NHSL2: variants seen among roughly 807,000 people sequenced by gnomAD.
NHSL2 encodes the protein NHS-like protein 2.
Under a neutral mutation model 53.4 loss-of-function variants are expected in NHSL2, and 27 were observed. The observed-to-expected ratio is 0.51, with a 90% CI of 0.37 to 0.70. The LOEUF is 0.70. NHSL2 is among the 30% of genes least tolerant of loss of function. NHSL2 has a pLI of 0.00. For missense variants in NHSL2, 892 were observed against 980.1 expected (o/e 0.91, Z 1.20); for synonymous variants, 408 against 404.1 (o/e 1.01, Z -0.12).
chrX:72,140,541 G>A lies in NHSL2; in HGVS notation c.2993G>A (p.Gly998Asp). 1 of 1,211,208 alleles carries A rather than the reference G, an allele frequency of 8.3e-7. No individual in the cohort carries two copies. Among genetic ancestry groups the A allele is most frequent in the Non-Finnish European group, 1.1e-6 (1 of 895,170 alleles). Residue 998 changes from glycine (G) to aspartate (D), a missense_variant, in exon 6 of 8, where the codon GGC becomes GAC. Gly to Asp is a moderately conservative substitution (Grantham distance 94). Coordinates refer to ENST00000633930, the MANE Select transcript of NHSL2 (RefSeq NM_001013627.3). ...QSQEEAEKKK[G>D]KIPPPVPKKP... Reference sequence around the variant, plus strand: ...CAGGAAGAAGCTGAGAAAAAGAAAGGCAAGATTCCACCTCCCGTACCAAAA... The same window carrying A: ...CAGGAAGAAGCTGAGAAAAAGAAAGACAAGATTCCACCTCCCGTACCAAAA...
chrX:71,925,056 A>G (rs971460354), intron 1 of NHSL2, among the ~76,000 whole-genome samples: 7 of 112,581 alleles, frequency 6.2e-5, no homozygotes, highest in African/African-American at 2.3e-4. Context: ...CTGGCCTAGT[A>G]AGAGATGAGT....
At chrX:72,022,960 A>C (rs773820301) in intron 1 of NHSL2, among the ~76,000 whole-genome samples, 1 of 112,238 alleles carries the variant, frequency 8.9e-6, no homozygotes, top group Admixed American at 9.4e-5. Context: ...CTGGTTATCC[A>C]TTCACTATTT....
chrX:72,099,361 ATTT>A (rs753132294), intron 1 of NHSL2, among the ~76,000 whole-genome samples: 1 of 84,335 alleles, frequency 1.2e-5, no homozygotes, highest in Non-Finnish European at 2.3e-5. Flanking sequence ...TTGTGTAGGA[ATTT>A]TTTTTTTTTT....
chrX:72,049,491 A>G (rs1003207149), intron 1 of NHSL2, among the ~76,000 whole-genome samples: 8 of 110,466 alleles, frequency 7.2e-5, no homozygotes, highest in Non-Finnish European at 1.5e-4. Flanking sequence ...CAGTGCCCGG[A>G]GTGGGTGAGA....
At chrX:72,060,796 A>G (rs1344215394) in intron 1 of NHSL2, among the ~76,000 whole-genome samples, 2 of 112,834 alleles carry the variant, frequency 1.8e-5, no homozygotes, top group Non-Finnish European at 3.7e-5. Context: ...CCATGGCAAC[A>G]TTCCAGCTCG....
chrX:72,000,104 G>A (rs756320113), intron 1 of NHSL2, among the ~76,000 whole-genome samples: 18 of 111,795 alleles, frequency 1.6e-4, no homozygotes, highest in Admixed American at 2.8e-4. Flanking sequence ...TTATATATAC[G>A]TTTGTGCATT....
chrX:72,130,180 T>C (rs1333520474), intron 1 of NHSL2: 4 of 1,208,030 alleles, frequency 3.3e-6, no homozygotes, highest in Non-Finnish European at 4.5e-6. Flanking sequence ...ATCCAGTGGC[T>C]CCTCCTCCAC....
intron 1 of NHSL2, among the ~76,000 whole-genome samples, chrX:72,082,504 G>T (rs993178441): frequency 1.8e-5 from 2 of 112,070 alleles, no homozygotes; most frequent in African/African-American, 6.5e-5. Context: ...AACCCTGTGA[G>T]GTGGGTACCA....
chrX:72,103,302 C>T (rs1602370676), intron 1 of NHSL2, among the ~76,000 whole-genome samples: 2 of 111,560 alleles, frequency 1.8e-5, no homozygotes, highest in African/African-American at 6.5e-5. Flanking sequence ...GGATTTCAGG[C>T]CAGAGGGGAC....
chrX:71,967,697 C>A (rs2041907247), intron 1 of NHSL2, among the ~76,000 whole-genome samples: 1 of 111,244 alleles, frequency 9.0e-6, no homozygotes, highest in South Asian at 3.8e-4. Context: ...GTTTTATGGC[C>A]CATAAAAAAG....
At chrX:71,991,052 G>A (rs2042024862) in intron 1 of NHSL2, among the ~76,000 whole-genome samples, 1 of 112,678 alleles carries the variant, frequency 8.9e-6, no homozygotes, top group African/African-American at 3.2e-5. Flanking sequence ...CCAAATAGTT[G>A]TGCAGGGTCC....
At chrX:72,131,963 C>A in intron 1 of NHSL2, 116 bp from the exon 2 acceptor site, 2 of 695,940 alleles carry the variant, frequency 2.9e-6, no homozygotes, top group Non-Finnish European at 4.3e-6. Context: ...CGCAGCCTCG[C>A]ACTCCCCCCA....
chrX:71,995,196 C>A (rs2042044565), intron 1 of NHSL2, among the ~76,000 whole-genome samples: 1 of 112,241 alleles, frequency 8.9e-6, no homozygotes, highest in East Asian at 2.8e-4. Flanking sequence ...TTACCACCTT[C>A]AAGATCTGTT....
intron 4 of NHSL2, 61 bp from the exon 5 acceptor site, chrX:72,137,033 A>G (rs1602400057): frequency 3.7e-6 from 4 of 1,073,905 alleles, no homozygotes; most frequent in South Asian, 2.1e-5. Context: ...TCTCAGGCCA[A>G]TTTCCACCGT....
chrX:71,911,191 G>C lies in NHSL2; in HGVS notation c.104G>C (p.Ser35Thr), dbSNP rs2094501607. 8.7e-7 allele frequency: 1 copy of C among 1,144,538 alleles called. No individual in the cohort carries two copies. The highest frequency in any genetic ancestry group is 1.8e-5 in the African/African-American group (1 of 55,028). 94.3% of individuals were successfully genotyped at this position (1,144,538 alleles called of 1,213,427 possible). A position where few individuals can be genotyped will look rare whatever the true frequency, so the allele number is the denominator to read the frequency against. Residue 35 changes from serine (S) to threonine (T), a missense_variant, in exon 1 of 8, where the codon AGC (serine) becomes ACC (threonine). Ser to Thr is a moderately conservative substitution (Grantham distance 58). Transcript: ENST00000633930. ...LRDVSHLAAL[S>T]LLRQLADLCG... ...GACGTGAGCCACCTGGCAGCGCTCAGCCTGCTCCGGCAGCTCGCCGACCTC... is the reference window on the plus strand; with the variant it reads ...GACGTGAGCCACCTGGCAGCGCTCACCCTGCTCCGGCAGCTCGCCGACCTC...
Position 72,002,596 on chromosome X carries a change from G to A in NHSL2, c.280+91229G>A, listed in dbSNP as rs1052956345. Among the ~76,000 whole-genome samples the A allele has an allele frequency of 2.7e-5, 3 of 111,609 alleles. No homozygotes were observed. In the South Asian group the frequency reaches 1.2e-3, roughly 44 times the overall value. On this transcript the variant is annotated intron_variant, in intron 1 of 7. Transcript: ENST00000633930. Reference sequence around the variant, plus strand: ...TTCTCATATCACAGATAAGGAAACCGAGGCTCAGAGAGCCTATCCAGTAGG... The same window carrying A: ...TTCTCATATCACAGATAAGGAAACCAAGGCTCAGAGAGCCTATCCAGTAGG...
intron 1 of NHSL2, among the ~76,000 whole-genome samples, chrX:71,931,914 T>C (rs1209220485): frequency 1.8e-5 from 2 of 112,657 alleles, no homozygotes; most frequent in African/African-American, 6.4e-5. Flanking sequence ...AGTTTCTTCA[T>C]TTCTGCAGCA....
intron 1 of NHSL2, among the ~76,000 whole-genome samples, chrX:71,973,755 A>G (rs1329157669): frequency 9.0e-6 from 1 of 111,706 alleles, no homozygotes; most frequent in Non-Finnish European, 1.9e-5. Context: ...CCTGGGGTAA[A>G]GATTCTGCCC....
intron 1 of NHSL2, among the ~76,000 whole-genome samples, chrX:72,038,392 AC>A (rs923338617): frequency 8.9e-6 from 1 of 112,303 alleles, no homozygotes; most frequent in Non-Finnish European, 1.9e-5. Context: ...CTCTTTATAA[AC>A]AGTAAAGTAG....
Sources: gnomAD v4.1 joint callset for allele counts (sites outside exome capture counted in the v4.1 genomes callset) on GRCh38, gnomAD v4.1.1 for gene constraint, MANE v1.5 for transcripts, NCBI Gene and HGNC (gene_info 2026-07-23, HGNC 2026-07-21) for gene names.